The following BNC2 variants were observed in gnomAD, a reference collection of about 807,000 sequenced individuals.
BNC2 encodes the protein basonuclin zinc finger protein 2.
In BNC2, 20 loss-of-function variants were observed where a neutral mutation model predicts 76.3. That is an observed-to-expected ratio of 0.26 (90% CI 0.18 to 0.38). The LOEUF (loss-of-function observed/expected upper bound fraction) is 0.38. BNC2 is among the 10% of genes least tolerant of loss of function. The pLI is 1.00. For synonymous variants in BNC2, 582 were observed against 514.8 expected (o/e 1.13, Z -1.77); for missense variants, 1,382 against 1,399.8 (o/e 0.99, Z 0.20).
intron 1 of BNC2, among the ~76,000 whole-genome samples, chr9:16,817,575 A>G (rs1326329241): frequency 6.6e-6 from 1 of 152,210 alleles, no homozygotes. Flanking sequence ...GCTGATGTGG[A>G]GATAAACTGA....
intron 3 of BNC2, among the ~76,000 whole-genome samples, chr9:16,725,927 A>G (rs1241179052): frequency 2.0e-5 from 3 of 151,642 alleles, no homozygotes; most frequent in African/African-American, 4.9e-5. Context: ...CATTATCTCT[A>G]TCTGGTTTTA....
intron 3 of BNC2, among the ~76,000 whole-genome samples, chr9:16,665,573 C>T (rs1462158045): frequency 2.0e-5 from 3 of 152,128 alleles, no homozygotes; most frequent in African/African-American, 7.2e-5. Context: ...TCTTATTTTA[C>T]CATTTGACAC....
chr9:16,731,582 T>C (rs541678125), intron 2 of BNC2, among the ~76,000 whole-genome samples: 1 of 152,346 alleles, frequency 6.6e-6, no homozygotes, highest in African/African-American at 2.4e-5. Flanking sequence ...ATGTTGATGA[T>C]GTTTTAACGT....
At chr9:16,640,099 A>C (rs1016645) in intron 3 of BNC2, among the ~76,000 whole-genome samples, 8,065 of 152,248 alleles carry the variant, frequency 0.053, 758 homozygotes, top group African/African-American at 0.18. Flanking sequence ...TCACAAAAAA[A>C]AAAATAGAGA....
intron 5 of BNC2, among the ~76,000 whole-genome samples, chr9:16,505,615 T>G (rs1245412612): frequency 6.6e-6 from 1 of 152,060 alleles, no homozygotes; most frequent in African/African-American, 2.4e-5. Context: ...AAAGCTGTTC[T>G]AAAAGAAAAT....
At chr9:16,434,506 C>T (rs545272464) in intron 6 of BNC2, among the ~76,000 whole-genome samples, 24 of 152,090 alleles carry the variant, frequency 1.6e-4, no homozygotes, top group Admixed American at 6.5e-4. Context: ...AACCAAAAAC[C>T]GCATCTGATA....
intron 5 of BNC2, among the ~76,000 whole-genome samples, chr9:16,462,722 G>C (rs946565823): frequency 6.6e-6 from 1 of 152,178 alleles, no homozygotes; most frequent in Admixed American, 6.5e-5. Context: ...CAGATCCAAA[G>C]ACCAGATCAT....
intron 1 of BNC2, among the ~76,000 whole-genome samples, chr9:16,779,640 G>A (rs559323195): frequency 6.6e-6 from 1 of 152,206 alleles, no homozygotes; most frequent in African/African-American, 2.4e-5. Flanking sequence ...TCCATACAAT[G>A]AAATATTAAG....
chr9:16,536,364 GTCTT>G (rs1270290048), intron 5 of BNC2, among the ~76,000 whole-genome samples: 1 of 152,126 alleles, frequency 6.6e-6, no homozygotes. Flanking sequence ...ACCCTATGTG[GTCTT>G]TCTTGTTGTG....
intron 5 of BNC2, among the ~76,000 whole-genome samples, chr9:16,517,159 T>G (rs1415727577): frequency 6.6e-6 from 1 of 152,234 alleles, no homozygotes; most frequent in African/African-American, 2.4e-5. Flanking sequence ...TATTGAGGGT[T>G]ATTTACTGTT....
intron 5 of BNC2, among the ~76,000 whole-genome samples, chr9:16,468,687 G>A (rs753801115): frequency 2.0e-5 from 3 of 151,944 alleles, no homozygotes; most frequent in African/African-American, 2.4e-5. Flanking sequence ...CACCACACCC[G>A]GACTATATGC....
intron 5 of BNC2, among the ~76,000 whole-genome samples, chr9:16,443,541 T>C (rs981584580): frequency 2.7e-5 from 4 of 146,442 alleles, no homozygotes; most frequent in Non-Finnish European, 5.9e-5. Flanking sequence ...ATTGCTGAAT[T>C]AAAAATTGAT....
At chr9:16,695,729 C>A (rs766655250) in intron 3 of BNC2, among the ~76,000 whole-genome samples, 22 of 151,976 alleles carry the variant, frequency 1.4e-4, no homozygotes, top group Non-Finnish European at 3.1e-4. Flanking sequence ...CTTCTCAAGT[C>A]TCATCTGTCA....
chr9:16,457,330 G>C (rs983571683), intron 5 of BNC2, among the ~76,000 whole-genome samples: 4 of 152,110 alleles, frequency 2.6e-5, no homozygotes, highest in Admixed American at 6.5e-5. Flanking sequence ...TTAGGGACCT[G>C]TGTTGGGGGT....
chr9:16,526,467 CTTTTTTT>C (rs144511624), intron 5 of BNC2, among the ~76,000 whole-genome samples: 2 of 48,790 alleles, frequency 4.1e-5, no homozygotes, highest in Non-Finnish European at 7.4e-5. Context: ...TAGTTTAATG[CTTTTTTT>C]TTTTTTTTTT....
intron 5 of BNC2, among the ~76,000 whole-genome samples, chr9:16,514,820 G>C (rs992493732): frequency 6.6e-6 from 1 of 152,164 alleles, no homozygotes; most frequent in African/African-American, 2.4e-5. Flanking sequence ...CTTTCACATG[G>C]AGAGAGAAAT....
chr9:16,538,597 G>A (rs1927615), intron 5 of BNC2, among the ~76,000 whole-genome samples: 96,785 of 152,074 alleles, frequency 0.64, 33,225 homozygotes, highest in African/African-American at 0.91. Flanking sequence ...TTTAAGGAAT[G>A]GGAAGGAAAT....
intron 5 of BNC2, among the ~76,000 whole-genome samples, chr9:16,478,748 G>A (rs1229779550): frequency 6.6e-6 from 1 of 152,078 alleles, no homozygotes; most frequent in African/African-American, 2.4e-5. Flanking sequence ...TACAGCTGCT[G>A]GCAAACTCTT....
At chr9:16,642,154 G>A (rs549469252) in intron 3 of BNC2, among the ~76,000 whole-genome samples, 79 of 152,156 alleles carry the variant, frequency 5.2e-4, no homozygotes, top group African/African-American at 1.6e-3. Flanking sequence ...CTTCCACTTC[G>A]TTATCCTTGA....
Sources: gnomAD v4.1 joint callset for allele counts (sites outside exome capture counted in the v4.1 genomes callset) on GRCh38, gnomAD v4.1.1 for gene constraint, MANE v1.5 for transcripts, NCBI Gene and HGNC (gene_info 2026-07-23, HGNC 2026-07-21) for gene names.